Variants in IL17REL observed in about 807,000 individuals in gnomAD.
The protein encoded by IL17REL is interleukin 17 receptor E like.
A neutral mutation model predicts 49.0 loss-of-function variants in IL17REL; 36 were observed. The observed-to-expected ratio is 0.73, with a 90% CI of 0.56 to 0.97. The LOEUF is 0.97. Among genes scored for constraint, IL17REL ranks in the 50% least tolerant of loss-of-function variants. IL17REL has a pLI of 0.00. For synonymous variants in IL17REL, 206 were observed against 192.4 expected (o/e 1.07, Z -0.58); for missense variants, 470 against 453.9 (o/e 1.04, Z -0.32).
At chr22:50,011,422 A>G (rs918419661), upstream of IL17REL, among the ~76,000 whole-genome samples, 1 of 151,162 alleles carries the variant, frequency 6.6e-6, no homozygotes, top group Admixed American at 6.6e-5. Flanking sequence ...CTGCCTGCAT[A>G]CCCCGCAGCC....
chr22:50,004,262 G>A (rs2061095889), intron 1 of IL17REL, among the ~76,000 whole-genome samples: 1 of 152,058 alleles, frequency 6.6e-6, no homozygotes, highest in African/African-American at 2.4e-5. Context: ...AATTTGTGGT[G>A]GAGACAGGGT....
At chr22:49,994,994 G>A (rs947133749) in exon 13 of IL17REL, 2 of 152,506 alleles carry the variant, frequency 1.3e-5, no homozygotes, top group South Asian at 2.1e-4. Flanking sequence ...TGCTGGGTGA[G>A]TGGGGCTGGG....
Position 50,000,471 on chromosome 22 carries a change from A to T in IL17REL, c.334+7T>A. ...TAGCTGTGCTCAGGGGGCCCTGGGGACCCTACCTTCCACGAGGTGCCTCTG... is the reference window on the plus strand; with the variant it reads ...TAGCTGTGCTCAGGGGGCCCTGGGGTCCCTACCTTCCACGAGGTGCCTCTG... On this transcript the variant is annotated splice_region_variant and intron_variant, in intron 4 of 12. Transcript: ENST00000341280. The T allele has an allele frequency of 1.3e-6, 2 of 1,597,496 alleles. No individual in the cohort carries two copies. The highest frequency in any genetic ancestry group is 1.7e-6 in the Non-Finnish European group (2 of 1,165,614).
In IL17REL at chr22:49,998,084, G is replaced by A. The variant is rs1457290704; in HGVS notation, c.775-15C>T. The A allele has an allele frequency of 1.3e-6, 2 of 1,593,936 alleles. No homozygotes were observed. The highest frequency in any genetic ancestry group is 3.6e-5 in the Admixed American group (2 of 54,822). ...GGGTACTGCACCTGAGGAGGGCTGG[G>A]GTCAGGCTGTGGCATCCATGCCCAC... On this transcript the variant is annotated splice_polypyrimidine_tract_variant and intron_variant, in intron 8 of 12. Coordinates refer to ENST00000341280, the Ensembl canonical transcript of IL17REL.
intron 1 of IL17REL, among the ~76,000 whole-genome samples, chr22:50,007,665 C>T (rs1186442488): frequency 6.6e-6 from 1 of 152,068 alleles, no homozygotes; most frequent in Non-Finnish European, 1.5e-5. Context: ...AGGTGTGAGC[C>T]ACCGCATCAG....
rs202125932 is a variant in IL17REL at position 49,999,412 on chromosome 22, A to G, written c.546+19T>C. 6.2e-7 allele frequency: 1 copy of G among 1,612,564 alleles called. No individual in the cohort carries two copies. Among genetic ancestry groups the G allele is most frequent in the South Asian group, 1.1e-5 (1 of 91,074 alleles). On this transcript the variant is annotated intron_variant, in intron 6 of 12. Transcript: ENST00000341280. ...TGCTCCCCTCACCCGCCCCAAGTCC[A>G]GGCCACACCTCCACCGACCTCCAGG...
intron 1 of IL17REL, 45 bp from the exon 3 acceptor site, chr22:50,001,276 C>G (rs1410676072): frequency 2.4e-6 from 2 of 834,114 alleles, no homozygotes; most frequent in South Asian, 1.6e-5. Context: ...CCCTGGTGCT[C>G]GGAAAGGCTT....
intron 7 of IL17REL, 78 bp downstream of exon 9, chr22:49,999,213 A>G (rs1426814838): frequency 6.5e-7 from 1 of 1,530,226 alleles, no homozygotes; most frequent in Non-Finnish European, 9.0e-7. Context: ...TCATCCCCCC[A>G]CGTCAGTCCT....
chr22:49,998,157 T>C, exon 8 of IL17REL: 1 of 1,607,754 alleles, frequency 6.2e-7, no homozygotes, highest in Non-Finnish European at 8.5e-7. Flanking sequence ...ACCAGCTGGC[T>C]GGATTGCTGC....
chr22:50,012,358 C>T (rs56044646), upstream of IL17REL, among the ~76,000 whole-genome samples: 7,433 of 152,276 alleles, frequency 0.049, 259 homozygotes, highest in African/African-American at 0.11. Context: ...AAACACTTCC[C>T]GGAGCAGCTC....
chr22:49,992,590 G>T (rs188738031), downstream of IL17REL, among the ~76,000 whole-genome samples: 1 of 152,022 alleles, frequency 6.6e-6, no homozygotes, highest in African/African-American at 2.4e-5. Context: ...ACCATGCCTG[G>T]CCCCACCCTA....
At chr22:50,007,621 C>T (rs1185942869) in intron 1 of IL17REL, among the ~76,000 whole-genome samples, 1 of 152,074 alleles carries the variant, frequency 6.6e-6, no homozygotes, top group Non-Finnish European at 1.5e-5. Flanking sequence ...TCAGGTGATC[C>T]ACCTGCCTCG....
chr22:50,007,458 C>T (rs1003899974), intron 1 of IL17REL, among the ~76,000 whole-genome samples: 1 of 152,162 alleles, frequency 6.6e-6, no homozygotes, highest in Non-Finnish European at 1.5e-5. Context: ...ACAACCTCTG[C>T]CTCCTGGGTT....
intron 1 of IL17REL, among the ~76,000 whole-genome samples, chr22:50,002,929 A>G (rs1039034883): frequency 6.6e-6 from 1 of 152,176 alleles, no homozygotes; most frequent in Non-Finnish European, 1.5e-5. Context: ...TGGGCGTGAG[A>G]AAGTGAGGGA....
chr22:50,002,642 G>A (rs1346026159), intron 1 of IL17REL, among the ~76,000 whole-genome samples: 1 of 151,906 alleles, frequency 6.6e-6, no homozygotes, highest in Non-Finnish European at 1.5e-5. Flanking sequence ...TTACAGGCAC[G>A]CACCACCACG....
intron 1 of IL17REL, among the ~76,000 whole-genome samples, chr22:50,003,861 G>C (rs1421831125): frequency 6.6e-6 from 1 of 152,094 alleles, no homozygotes; most frequent in Non-Finnish European, 1.5e-5. Flanking sequence ...CTGCAGGGGG[G>C]ACCCTACTCC....
intron 11 of IL17REL, 36 bp downstream of exon 13, chr22:49,997,284 A>G (rs1294344705): frequency 6.3e-7 from 1 of 1,593,848 alleles, no homozygotes; most frequent in East Asian, 2.3e-5. Flanking sequence ...CACCACCCCC[A>G]CCTCCCCAGG....
At chr22:50,003,543 A>G (rs910606570) in intron 1 of IL17REL, among the ~76,000 whole-genome samples, 25 of 147,376 alleles carry the variant, frequency 1.7e-4, no homozygotes, top group Non-Finnish European at 3.0e-4. Flanking sequence ...AAAAAAAAAA[A>G]GGCTGGGCAT....
At chr22:50,010,533 G>A (rs1364333684), upstream of IL17REL, among the ~76,000 whole-genome samples, 1 of 152,238 alleles carries the variant, frequency 6.6e-6, no homozygotes, top group Non-Finnish European at 1.5e-5. Context: ...CCCTCTGGGC[G>A]CCCACTGTGG....
Sources: allele counts gnomAD v4.1 joint callset (sites outside exome capture counted in the v4.1 genomes callset), GRCh38; gene constraint gnomAD v4.1.1; transcripts MANE v1.5; gene names NCBI Gene and HGNC (gene_info 2026-07-23, HGNC 2026-07-21).